The following NKAIN3 variants were observed in gnomAD, a reference collection of about 807,000 sequenced individuals.
NKAIN3 encodes the protein sodium/potassium-transporting ATPase subunit beta-1-interacting protein 3.
A neutral mutation model predicts 30.2 loss-of-function variants in NKAIN3; 25 were observed. The observed-to-expected ratio is 0.83, with a 90% CI of 0.60 to 1.16. The LOEUF is 1.16. NKAIN3 is among the 50% of genes most tolerant of loss of function. The probability of loss-of-function intolerance (pLI) is 0.00; values close to 1 mark genes in which losing one functional copy is unlikely to be tolerated. For synonymous variants in NKAIN3, 91 were observed against 89.6 expected, an observed-to-expected ratio of 1.02 and a Z score of -0.09; for missense variants, 225 against 254.1, an observed-to-expected ratio of 0.89 and a Z score of 0.78.
At chr8:62,582,284 T>A (rs1408821186) in intron 2 of NKAIN3, among the ~76,000 whole-genome samples, 1 of 152,104 alleles carries the variant, frequency 6.6e-6, no homozygotes, top group African/African-American at 2.4e-5. Context: ...TGGCCTTGTG[T>A]TAGGTGTGGA....
chr8:62,314,163 A>G (rs911381431), intron 1 of NKAIN3, among the ~76,000 whole-genome samples: 2 of 152,182 alleles, frequency 1.3e-5, no homozygotes, highest in African/African-American at 2.4e-5. Context: ...ATATTCCATA[A>G]TGTAACACAA....
intron 1 of NKAIN3, among the ~76,000 whole-genome samples, chr8:62,443,965 A>C (rs529894357): frequency 1.3e-5 from 2 of 152,278 alleles, no homozygotes; most frequent in Admixed American, 1.3e-4. Context: ...TGTTAGCGTT[A>C]CTTTATATAT....
rs979171923 is a variant in NKAIN3, at chr8:62,990,110, C to T, written c.533-9121C>T. On this transcript the variant is annotated intron_variant, in intron 5 of 5. Coordinates refer to the NKAIN3 transcript ENST00000519049. The stretch of plus-strand genomic sequence containing the variant: ...GTTTGATTCAGCAAATCATTTCAAT[C>T]TAATAAGATCAATTTAAATGTTGAT... 14 of 830,228 alleles carry T rather than the reference C, an allele frequency of 1.7e-5. No individual in the cohort carries two copies. The South Asian group carries it at 2.4e-4, about 14-fold the overall frequency. The allele number at this position is 830,228 out of a possible 1,614,324, so 51.4% of individuals were successfully genotyped here.
At chr8:62,942,177 TATATATATACAC>T (rs1389789033) in intron 5 of NKAIN3, among the ~76,000 whole-genome samples, 2 of 144,024 alleles carry the variant, frequency 1.4e-5, no homozygotes, top group African/African-American at 2.7e-5. Flanking sequence ...GCAATATATA[TATATATATACAC>T]ATATATATAC....
At chr8:62,641,458 C>A (rs770822432) in intron 3 of NKAIN3, among the ~76,000 whole-genome samples, 1 of 152,094 alleles carries the variant, frequency 6.6e-6, no homozygotes, top group South Asian at 2.1e-4. Flanking sequence ...AATACCTTAT[C>A]ACAATAACAG....
chr8:62,732,236 T>C (rs551111627), intron 3 of NKAIN3, among the ~76,000 whole-genome samples: 23 of 152,276 alleles, frequency 1.5e-4, no homozygotes, highest in Non-Finnish European at 2.9e-4. Context: ...AAATTATTTA[T>C]TGTATCTAGT....
At chr8:62,388,380 A>T (rs1455248362) in intron 1 of NKAIN3, among the ~76,000 whole-genome samples, 2 of 152,244 alleles carry the variant, frequency 1.3e-5, no homozygotes, top group African/African-American at 4.8e-5. Flanking sequence ...TGAAGATTAT[A>T]TTTGAAGCAT....
chr8:62,924,333 G>A (rs1237021543), intron 5 of NKAIN3, among the ~76,000 whole-genome samples: 1 of 152,136 alleles, frequency 6.6e-6, no homozygotes, highest in East Asian at 1.9e-4. Context: ...TGCTTTCACT[G>A]CACACTGTGC....
At chr8:62,538,585 G>C (rs1808741711) in intron 1 of NKAIN3, among the ~76,000 whole-genome samples, 1 of 152,128 alleles carries the variant, frequency 6.6e-6, no homozygotes, top group African/African-American at 2.4e-5. Context: ...ATTTCACATG[G>C]AATAATTTCA....
At chr8:62,603,961 G>C (rs148935294) in intron 3 of NKAIN3, among the ~76,000 whole-genome samples, 1 of 152,092 alleles carries the variant, frequency 6.6e-6, no homozygotes, top group African/African-American at 2.4e-5. Flanking sequence ...CAGAATGACA[G>C]TTTCTGCAGA....
intron 3 of NKAIN3, among the ~76,000 whole-genome samples, chr8:62,729,151 A>G (rs1348370322): frequency 6.6e-6 from 1 of 151,984 alleles, no homozygotes; most frequent in Non-Finnish European, 1.5e-5. Flanking sequence ...AGTGTTGTCC[A>G]ACATACACAA....
intron 1 of NKAIN3, among the ~76,000 whole-genome samples, chr8:62,320,756 G>T (rs867832727): frequency 6.6e-6 from 1 of 152,118 alleles, no homozygotes; most frequent in African/African-American, 2.4e-5. Flanking sequence ...CTCTCTGTTT[G>T]CCCTTAACAT....
chr8:62,668,726 C>A (rs1318663651), intron 3 of NKAIN3, among the ~76,000 whole-genome samples: 1 of 152,034 alleles, frequency 6.6e-6, no homozygotes, highest in Non-Finnish European at 1.5e-5. Context: ...TAAGCGTATA[C>A]TTATTAATTA....
At chr8:62,801,182 G>A (rs180839145) in intron 4 of NKAIN3, among the ~76,000 whole-genome samples, 3 of 152,122 alleles carry the variant, frequency 2.0e-5, no homozygotes, top group Non-Finnish European at 2.9e-5. Context: ...TCCACCTCTG[G>A]GGGCAGGGCA....
At position 62,594,483 on chromosome 8, in the gene NKAIN3, A is replaced by T. The variant is rs142621911; in HGVS notation, c.273+4689A>T. ...CTTGCTCCTTTATAGATCAAATCAA[A>T]TCAGCTCTACCTTTTTGTTTCCCTC... On this transcript the variant is annotated intron_variant, in intron 3 of 6. Transcript: ENST00000623646. 6.6e-4 allele frequency among the ~76,000 whole-genome samples: 101 copies of T among 152,130 alleles called. 1 individual carries two copies. In the Middle Eastern group the frequency reaches 0.014, roughly 20 times the overall value.
chr8:62,498,158 TC>T (rs1367016865), intron 1 of NKAIN3, among the ~76,000 whole-genome samples: 1 of 152,076 alleles, frequency 6.6e-6, no homozygotes, highest in African/African-American at 2.4e-5. Flanking sequence ...ATATAATGTA[TC>T]GTAAAATGAG....
intron 3 of NKAIN3, among the ~76,000 whole-genome samples, chr8:62,616,006 G>C (rs959562721): frequency 2.6e-5 from 4 of 151,958 alleles, no homozygotes; most frequent in African/African-American, 9.7e-5. Context: ...TGGTGTTCTT[G>C]CTGAAGGGAT....
rs1002216698 is a variant in NKAIN3 at position 62,968,432 on chromosome 8, T to C, written c.*3025T>C. 2.0e-5 allele frequency among the ~76,000 whole-genome samples: 3 copies of C among 152,222 alleles called. No homozygotes were observed. Among genetic ancestry groups the C allele is most frequent in the African/African-American group, 4.8e-5 (2 of 41,462 alleles). ...AAAGACATGGTCACTACATGCACTG[T>C]ATGTTCTTGCCAAACCTCAGCTTCT... On this transcript the variant is annotated 3_prime_UTR_variant, in exon 7 of 7. Transcript: ENST00000623646.
intron 4 of NKAIN3, among the ~76,000 whole-genome samples, chr8:62,887,490 T>C (rs1232543505): frequency 2.6e-5 from 4 of 152,218 alleles, no homozygotes; most frequent in African/African-American, 9.6e-5. Context: ...TCTGCTCTTC[T>C]TATTACACAT....
Sources: allele counts gnomAD v4.1 joint callset (sites outside exome capture counted in the v4.1 genomes callset), GRCh38; gene constraint gnomAD v4.1.1; transcripts MANE v1.5; gene names NCBI Gene and HGNC (gene_info 2026-07-23, HGNC 2026-07-21).